Variants in CFAP57 observed in about 807,000 individuals in gnomAD.
The protein encoded by CFAP57 is cilia- and flagella-associated protein 57.
Under a neutral mutation model 146.8 loss-of-function variants are expected in CFAP57, and 116 were observed. That is an observed-to-expected ratio of 0.79 (90% CI 0.68 to 0.92). The LOEUF is 0.92. CFAP57 is among the 40% of genes least tolerant of loss of function. The probability of loss-of-function intolerance (pLI) is 0.00; values close to 1 mark genes in which losing one functional copy is unlikely to be tolerated. For synonymous variants in CFAP57, 518 were observed against 552.8 expected, an observed-to-expected ratio of 0.94 and a Z score of 0.88; for missense variants, 1,377 against 1,527.2, an observed-to-expected ratio of 0.90 and a Z score of 1.64.
chr1:43,220,063 G>A (rs1027071538), intron 13 of CFAP57, among the ~76,000 whole-genome samples: 1 of 152,230 alleles, frequency 6.6e-6, no homozygotes, highest in African/African-American at 2.4e-5. Context: ...GGTATTAGTG[G>A]TATTAACAGA....
chr1:43,229,495 T>G (rs1645386087), intron 18 of CFAP57, among the ~76,000 whole-genome samples: 1 of 148,314 alleles, frequency 6.7e-6, no homozygotes, highest in Non-Finnish European at 1.5e-5. Context: ...GCACTGTGGA[T>G]CTCCTGTAAA....
chr1:43,180,635 G>A (rs545335860), intron 2 of CFAP57, among the ~76,000 whole-genome samples: 2 of 152,278 alleles, frequency 1.3e-5, no homozygotes, highest in South Asian at 4.1e-4. Context: ...GATGCAGAGA[G>A]TAGCTGTGGC....
At chr1:43,181,176 A>G (rs1313693063) in intron 2 of CFAP57, among the ~76,000 whole-genome samples, 2 of 152,070 alleles carry the variant, frequency 1.3e-5, no homozygotes, top group Non-Finnish European at 2.9e-5. Flanking sequence ...GGTTCAAGTG[A>G]TTCTCCTGCC....
rs1320881245 is a variant in CFAP57 at position 43,254,228 on chromosome 1, G to T, written c.*37G>T. The T allele has an allele frequency of 6.6e-7, 1 of 1,517,018 alleles. No homozygotes were observed. The highest frequency in any genetic ancestry group is 8.9e-7 in the Non-Finnish European group (1 of 1,125,572). 94.0% of individuals were successfully genotyped at this position (1,517,018 alleles called of 1,614,324 possible). On this transcript the variant is annotated 3_prime_UTR_variant, in exon 23 of 23. Coordinates refer to ENST00000372492, the MANE Select transcript of CFAP57 (RefSeq NM_001378189.1). ...GAGCCATCTCCAGCCACAGCCAGAAGAAACACAGCATGTCTGTCCCCAAGC... is the reference window on the plus strand; with the variant it reads ...GAGCCATCTCCAGCCACAGCCAGAATAAACACAGCATGTCTGTCCCCAAGC...
At chr1:43,234,927 C>A (rs1645628525) in intron 21 of CFAP57, among the ~76,000 whole-genome samples, 1 of 152,120 alleles carries the variant, frequency 6.6e-6, no homozygotes, top group Non-Finnish European at 1.5e-5. Flanking sequence ...CTCTTTTCTA[C>A]ACCATCTTTA....
At chr1:43,207,694 A>G (rs149787266) in intron 10 of CFAP57, among the ~76,000 whole-genome samples, 53 of 152,342 alleles carry the variant, frequency 3.5e-4, no homozygotes, top group African/African-American at 1.2e-3. Context: ...GGCTCCAAAT[A>G]GTGAAGGGAA....
At chr1:43,220,052 C>A (rs970726472) in intron 13 of CFAP57, among the ~76,000 whole-genome samples, 1 of 151,964 alleles carries the variant, frequency 6.6e-6, no homozygotes, top group Admixed American at 6.6e-5. Context: ...TGGTATTAAT[C>A]GGTATTAGTG....
intron 21 of CFAP57, among the ~76,000 whole-genome samples, chr1:43,242,848 T>G (rs1438085742): frequency 1.3e-5 from 2 of 151,760 alleles, no homozygotes; most frequent in Admixed American, 6.6e-5. Context: ...GTGATTATAA[T>G]AGCCATATAA....
chr1:43,185,393 T>A, intron 5 of CFAP57, 37 bp downstream of exon 5: 1 of 1,588,962 alleles, frequency 6.3e-7, no homozygotes, highest in Non-Finnish European at 8.6e-7. Flanking sequence ...AAAATGGGGG[T>A]CCTATTGGCA....
At chr1:43,211,596 T>C (rs1190406454) in intron 11 of CFAP57, 3 of 144,378 alleles carry the variant, frequency 2.1e-5, no homozygotes, top group Non-Finnish European at 4.6e-5. Flanking sequence ...AAAAAAATCC[T>C]CATAATGGTA....
rs1345431640 is a variant in CFAP57 at position 43,227,146 on chromosome 1, ACT to A, written c.3009+23_3009+24del. The A allele has an allele frequency of 6.6e-7, 1 of 1,508,128 alleles. No homozygotes were observed. The highest frequency in any genetic ancestry group is 2.5e-5 in the East Asian group (1 of 39,652). The allele number at this position is 1,508,128 out of a possible 1,614,324, so 93.4% of individuals were successfully genotyped here. ...CAGGAGGTAAGAAGCCATTTGCAAC[ACT>A]CTGGCCTCTCAGACCCTCTGTCTCT... On this transcript the variant is annotated intron_variant, in intron 18 of 22. Transcript: ENST00000372492.
rs1260021967 is a variant in CFAP57 at position 43,254,194 on chromosome 1, C to A, written c.*3C>A. Reference sequence around the variant, plus strand: ...ACTTAGAGGTGAAGACCAACTGACCCCCTCTGGTGAGCCATCTCCAGCCAC... The same window carrying A: ...ACTTAGAGGTGAAGACCAACTGACCACCTCTGGTGAGCCATCTCCAGCCAC... On this transcript the variant is annotated 3_prime_UTR_variant, in exon 23 of 23. Coordinates refer to ENST00000372492, the MANE Select transcript of CFAP57 (RefSeq NM_001378189.1). The A allele has an allele frequency of 1.9e-6, 3 of 1,543,802 alleles. No individual in the cohort carries two copies. The African/African-American group carries it at 4.1e-5, about 21-fold the overall frequency.
At position 43,215,303 on chromosome 1, in the gene CFAP57, G is replaced by A. The variant is rs78264644; in HGVS notation, c.1978G>A (p.Gly660Ser). The A allele has an allele frequency of 1.6e-4, 243 of 1,551,308 alleles. 1 individual carries two copies. In the East Asian group the frequency reaches 5.4e-3, roughly 34 times the overall value. ...GTTCCTGCTGACTGCTGCTGAGGAT[G>A]GCTGCCTGTTCACCTGGAAGGTCTT... ...DQFLLTAAED[G>S]CLFTWKVFDK... Residue 660 changes from glycine to serine, a missense_variant, in exon 12 of 23, where the codon GGC (glycine) becomes AGC (serine). Gly to Ser is a moderately conservative substitution (Grantham distance 56, BLOSUM62 0). Coordinates refer to ENST00000372492, the MANE Select transcript of CFAP57 (RefSeq NM_001378189.1).
At chr1:43,215,223 A>C (rs1644788140) in intron 11 of CFAP57, 32 bp from the exon 12 acceptor site, 1 of 1,550,696 alleles carries the variant, frequency 6.4e-7, no homozygotes. Context: ...TGGCCTTGAA[A>C]GCTTCCTGGC....
Position 43,172,775 on chromosome 1 carries a change from A to G in CFAP57, c.22A>G (p.Thr8Ala). 6.2e-7 allele frequency: 1 copy of G among 1,614,136 alleles called. No individual in the cohort carries two copies. Among genetic ancestry groups the G allele is most frequent in the Non-Finnish European group, 8.5e-7 (1 of 1,180,022 alleles). ...GATCATGTCAGCCGTGGTAGCTCAG[A>G]CGCTGCATGTTTTTGGTCTTCGATC... MSAVVAQTLHVFGLRSHV... is the reference protein window; with the variant it reads MSAVVAQALHVFGLRSHV... Residue 8 changes from threonine to alanine, a missense_variant, in exon 2 of 23, where the codon ACG becomes GCG. Coordinates refer to ENST00000372492, the MANE Select transcript of CFAP57 (RefSeq NM_001378189.1).
chr1:43,238,015 TGTG>T lies in CFAP57; in HGVS notation c.3405+3381_3405+3383del, dbSNP rs1645769079. Among the ~76,000 whole-genome samples the T allele has an allele frequency of 2.0e-5, 3 of 152,184 alleles. No individual in the cohort carries two copies. The highest frequency in any genetic ancestry group is 2.1e-4 in the South Asian group (1 of 4,820). ...GAGAAGTACTTGGAAAGGGGAAAGT[TGTG>T]GTGTCAAAAGGCATTTCAGAGTAGA... On this transcript the variant is annotated intron_variant, in intron 21 of 22. Coordinates refer to ENST00000372492, the MANE Select transcript of CFAP57 (RefSeq NM_001378189.1). The surrounding 1 kb of genome is among the most constrained non-coding windows in gnomAD (Gnocchi z 4.3).
At chr1:43,234,438 A>G in intron 20 of CFAP57, 25 bp downstream of exon 20, 1 of 1,544,708 alleles carries the variant, frequency 6.5e-7, no homozygotes, top group Non-Finnish European at 8.7e-7. Flanking sequence ...CCCTCCTGCC[A>G]TGCACTGACC....
At chr1:43,189,759 T>G (rs537620371) in intron 6 of CFAP57, among the ~76,000 whole-genome samples, 17 of 152,290 alleles carry the variant, frequency 1.1e-4, no homozygotes, top group Admixed American at 7.2e-4. Flanking sequence ...GGCATCTGCT[T>G]CTGGTAAGGG....
At chr1:43,229,501 G>A (rs1272338076) in intron 18 of CFAP57, among the ~76,000 whole-genome samples, 1 of 148,630 alleles carries the variant, frequency 6.7e-6, no homozygotes, top group Non-Finnish European at 1.5e-5. Flanking sequence ...TGGATCTCCT[G>A]TAAAGGTCTT....
Sources: allele counts gnomAD v4.1 joint callset (sites outside exome capture counted in the v4.1 genomes callset), GRCh38; gene constraint gnomAD v4.1.1; non-coding constraint Gnocchi (gnomAD v3.1); transcripts MANE v1.5; gene names NCBI Gene and HGNC (gene_info 2026-07-23, HGNC 2026-07-21).